Variants in FRMPD4 observed in about 807,000 individuals in gnomAD.
The protein encoded by FRMPD4 is FERM and PDZ domain-containing protein 4.
In FRMPD4, 22 loss-of-function variants were observed where a neutral mutation model predicts 94.1. The ratio of observed to expected loss-of-function variants is 0.23; its 90% CI spans 0.17 to 0.33. FRMPD4 has a LOEUF of 0.33. Among genes scored for constraint, FRMPD4 ranks in the 10% least tolerant of loss-of-function variants. FRMPD4 has a pLI of 1.00. For missense variants in FRMPD4, 1,111 were observed against 1,339.9 expected (o/e 0.83, Z 2.67); for synonymous variants, 631 against 548.6 (o/e 1.15, Z -2.10).
chrX:12,377,513 G>A (rs910881425), intron 1 of FRMPD4, among the ~76,000 whole-genome samples: 21 of 112,148 alleles, frequency 1.9e-4, no homozygotes, highest in African/African-American at 6.5e-4. Context: ...CTGCAGAGCC[G>A]TTACTTCTCA....
At chrX:12,612,276 C>T (rs1332181452) in intron 3 of FRMPD4, among the ~76,000 whole-genome samples, 1 of 111,723 alleles carries the variant, frequency 9.0e-6, no homozygotes, top group South Asian at 3.7e-4. Flanking sequence ...TACAACCTCT[C>T]TCCTTCCTGG....
At position 12,718,037 on chromosome X, in the gene FRMPD4, C is replaced by A. The variant is rs1268217494; in HGVS notation, c.3211C>A (p.Arg1071=). 5.0e-6 allele frequency: 6 copies of A among 1,209,641 alleles called. No individual in the cohort carries two copies. Among genetic ancestry groups the A allele is most frequent in the Non-Finnish European group, 6.7e-6 (6 of 894,530 alleles). The change falls in exon 16 of 17, where the codon CGA becomes AGA. Residue 1071 remains arginine (R), a synonymous_variant. Coordinates refer to ENST00000675598, the MANE Select transcript of FRMPD4 (RefSeq NM_001368397.1). ...TGGTAAATTTGGTACTGTGTCTTCA[C>A]GAGACAGTCAACACCTGAGCACTTT... is the stretch of plus-strand genomic sequence containing the variant. ...ASGKFGTVSS[R]DSQHLSTFNL... is the part of the protein sequence containing the mutation.
chrX:12,536,472 T>C (rs892243854), intron 2 of FRMPD4, among the ~76,000 whole-genome samples: 1 of 111,971 alleles, frequency 8.9e-6, no homozygotes, highest in African/African-American at 3.2e-5. Flanking sequence ...AAAACAATAA[T>C]TGAAACTAAC....
chrX:12,537,551 C>G (rs1374171338), intron 2 of FRMPD4, among the ~76,000 whole-genome samples: 1 of 105,012 alleles, frequency 9.5e-6, no homozygotes, highest in African/African-American at 3.5e-5. Flanking sequence ...CTCCTGGGCT[C>G]AAGTGATCCT....
In FRMPD4 at chrX:12,193,817, AGGAAGGAAGGAG is replaced by A. The variant is rs1278699506; in HGVS notation, c.41+54815_41+54826del. 8.4e-4 allele frequency among the ~76,000 whole-genome samples: 28 copies of A among 33,185 alleles called. 6 individuals are homozygous for A. Among genetic ancestry groups the A allele is most frequent in the African/African-American group, 4.8e-3 (27 of 5,605 alleles). 28.8% of individuals were successfully genotyped at this position (33,185 alleles called of 115,157 possible). A position where few individuals can be genotyped will look rare whatever the true frequency, so the allele number is the denominator to read the frequency against. ...AAGGAAGGAAGGAAGGAAGGAAGGA[AGGAAGGAAGGAG>A]GGAAGGAAGAAAGAAAAGAAAGAAA... On this transcript the variant is annotated intron_variant, in intron 1 of 16. Coordinates refer to ENST00000675598, the MANE Select transcript of FRMPD4 (RefSeq NM_001368397.1).
chrX:12,544,050 C>T (rs1179228666), intron 2 of FRMPD4, among the ~76,000 whole-genome samples: 15 of 96,535 alleles, frequency 1.6e-4, no homozygotes, highest in African/African-American at 5.5e-4. Context: ...AACACTTGGA[C>T]ACAGGAAGGG....
At chrX:11,912,939 G>T (rs993971796) in intron 3 of FRMPD4, among the ~76,000 whole-genome samples, 2 of 111,504 alleles carry the variant, frequency 1.8e-5, no homozygotes, top group Non-Finnish European at 3.8e-5. Context: ...TAATTCTGAG[G>T]TCATTACCAT....
At chrX:11,840,488 A>C (rs1283657673) in intron 1 of FRMPD4, among the ~76,000 whole-genome samples, 2 of 110,561 alleles carry the variant, frequency 1.8e-5, no homozygotes, top group African/African-American at 6.5e-5. Context: ...ATGTGGAATC[A>C]TATAACCTCA....
chrX:12,268,290 A>G (rs1247744437), intron 1 of FRMPD4, among the ~76,000 whole-genome samples: 1 of 112,741 alleles, frequency 8.9e-6, no homozygotes, highest in Non-Finnish European at 1.9e-5. Context: ...CTGTTTGCCC[A>G]GCAAGAGGAG....
chrX:12,548,269 T>C (rs1466634107), intron 2 of FRMPD4, among the ~76,000 whole-genome samples: 21 of 111,756 alleles, frequency 1.9e-4, no homozygotes, highest in Non-Finnish European at 1.9e-4. Context: ...AAAAAGTGAG[T>C]TTAAATGAAA....
intron 1 of FRMPD4, among the ~76,000 whole-genome samples, chrX:12,280,711 G>C (rs2054511747): frequency 9.0e-6 from 1 of 111,360 alleles, no homozygotes; most frequent in African/African-American, 3.3e-5. Context: ...CTCATTGGGG[G>C]TCCTTTCCCA....
chrX:12,411,290 T>C (rs1369101745), intron 1 of FRMPD4, among the ~76,000 whole-genome samples: 5 of 112,168 alleles, frequency 4.5e-5, no homozygotes, highest in African/African-American at 1.6e-4. Context: ...CCCGAAAGCA[T>C]TTGTCCCTTT....
At chrX:12,337,776 T>C (rs1455433495) in intron 1 of FRMPD4, among the ~76,000 whole-genome samples, 1 of 112,600 alleles carries the variant, frequency 8.9e-6, no homozygotes, top group Non-Finnish European at 1.9e-5. Context: ...GTTTTTGATG[T>C]TACGTTCTAG....
chrX:12,230,993 A>AATATAT lies in FRMPD4; in HGVS notation c.41+91981_41+91982insATATAT, dbSNP rs1569199650. 3.1e-3 allele frequency among the ~76,000 whole-genome samples: 182 copies of AATATAT among 58,582 alleles called. 2 individuals carry two copies. Among genetic ancestry groups the AATATAT allele is most frequent in the Non-Finnish European group, 5.0e-3 (157 of 31,630 alleles). The allele number at this position is 58,582 out of a possible 115,157, so 50.9% of individuals were successfully genotyped here. ...ATATAGTAATATATATAGTATATAT[A>AATATAT]GTATATATAATATATAGTATATATA... On this transcript the variant is annotated intron_variant, in intron 1 of 16. Coordinates refer to ENST00000675598, the MANE Select transcript of FRMPD4 (RefSeq NM_001368397.1).
intron 1 of FRMPD4, among the ~76,000 whole-genome samples, chrX:12,167,380 T>C (rs967088479): frequency 3.6e-5 from 4 of 112,028 alleles, no homozygotes; most frequent in African/African-American, 1.3e-4. Flanking sequence ...AGTTTCTTAA[T>C]CCTGAGTTCT....
intron 3 of FRMPD4, among the ~76,000 whole-genome samples, chrX:11,979,562 C>A (rs2054386605): frequency 8.9e-6 from 1 of 111,795 alleles, no homozygotes; most frequent in Non-Finnish European, 1.9e-5. Context: ...TTAATTGTTG[C>A]CAATTTAGTG....
At chrX:12,559,653 G>GA (rs3066467) in intron 2 of FRMPD4, among the ~76,000 whole-genome samples, 86 of 95,366 alleles carry the variant, frequency 9.0e-4, no homozygotes, top group African/African-American at 2.5e-3. Context: ...CCGTCTCAAG[G>GA]AAAAAAAAAA....
chrX:12,176,838 G>C (rs1294942896), intron 1 of FRMPD4, among the ~76,000 whole-genome samples: 4 of 112,049 alleles, frequency 3.6e-5, no homozygotes, highest in African/African-American at 1.3e-4. Flanking sequence ...ACCATTAGAT[G>C]AGTTTCTTTT....
Position 12,504,622 on chromosome X carries a change from G to T in FRMPD4, c.158+5826G>T, listed in dbSNP as rs770330441. Among the ~76,000 whole-genome samples, 3 of 112,452 alleles carry T rather than the reference G, an allele frequency of 2.7e-5. No individual in the cohort carries two copies. In the East Asian group the frequency reaches 8.3e-4, roughly 31 times the overall value. ...TTTGTTTTCTTTTGAATCTGACAAAGCACCTATCTGCTGAGTTAATAATCA... is the reference window on the plus strand; with the variant it reads ...TTTGTTTTCTTTTGAATCTGACAAATCACCTATCTGCTGAGTTAATAATCA... On this transcript the variant is annotated intron_variant, in intron 2 of 16. Transcript: ENST00000675598.
Sources: allele counts gnomAD v4.1 joint callset (sites outside exome capture counted in the v4.1 genomes callset), GRCh38; gene constraint gnomAD v4.1.1; transcripts MANE v1.5; gene names NCBI Gene and HGNC (gene_info 2026-07-23, HGNC 2026-07-21).